WDR64: variants seen among roughly 807,000 people sequenced by gnomAD.
WDR64 encodes WD repeat domain 64, also known as WD repeat-containing protein 64.
A neutral mutation model predicts 139.3 loss-of-function variants in WDR64; 112 were observed. That is an observed-to-expected ratio of 0.80 (90% CI 0.69 to 0.94). The LOEUF (loss-of-function observed/expected upper bound fraction) is 0.94. Ranked by LOEUF, WDR64 falls within the 40% of genes least tolerant of loss-of-function variation. The pLI, the probability that WDR64 is intolerant of heterozygous loss-of-function variation, is 0.00. For missense variants in WDR64, 1,206 were observed against 1,293.1 expected, an observed-to-expected ratio of 0.93 and a Z score of 1.03; for synonymous variants, 444 against 437.7, an observed-to-expected ratio of 1.01 and a Z score of -0.18.
At chr1:241,787,018 A>G (rs1659059961) in intron 23 of WDR64, among the ~76,000 whole-genome samples, 1 of 152,104 alleles carries the variant, frequency 6.6e-6, no homozygotes, top group Admixed American at 6.5e-5. Flanking sequence ...ATTCAAACTA[A>G]TATTTCCCAA....
chr1:241,756,559 C>T (rs1670200429), intron 14 of WDR64, among the ~76,000 whole-genome samples: 1 of 152,064 alleles, frequency 6.6e-6, no homozygotes, highest in South Asian at 2.1e-4. Context: ...TAAAGGGTCC[C>T]ATTTCATATT....
intron 26 of WDR64, 34 bp from the exon 27 acceptor site, chr1:241,796,223 G>A (rs1659359791): frequency 2.0e-6 from 3 of 1,502,904 alleles, no homozygotes; most frequent in Non-Finnish European, 2.8e-6. Context: ...TAATCACTTT[G>A]AGTGTGTCTC....
At chr1:241,729,810 C>G (rs1669008831) in intron 10 of WDR64, among the ~76,000 whole-genome samples, 1 of 152,070 alleles carries the variant, frequency 6.6e-6, no homozygotes, top group African/African-American at 2.4e-5. Context: ...CTTGTGCTTT[C>G]TGTTTGTATG....
chr1:241,780,196 G>A (rs541839333), intron 22 of WDR64, 134 bp downstream of exon 22: 1 of 744,794 alleles, frequency 1.3e-6, no homozygotes, highest in Non-Finnish European at 2.1e-6. Flanking sequence ...TGAAATTTGA[G>A]CTACATGACA....
rs750082440 is a variant in WDR64, at chr1:241,795,221, C to G, written c.3012C>G (p.Pro1004=). The G allele has an allele frequency of 6.2e-7, 1 of 1,613,872 alleles. No individual in the cohort carries two copies. Among genetic ancestry groups the G allele is most frequent in the East Asian group, 2.2e-5 (1 of 44,840 alleles). Residue 1004 remains proline (P), a synonymous_variant, in exon 26 of 28, where the codon CCC becomes CCG. Transcript: ENST00000437684. ...SLSSPKIRRY[P]LEGFVTENRE... ...TTGTTTTGCAGATTCGAAGATATCCCTTGGAAGGTTTCGTGACTGAAAACA... is the reference window on the plus strand; with the variant it reads ...TTGTTTTGCAGATTCGAAGATATCCGTTGGAAGGTTTCGTGACTGAAAACA...
intron 8 of WDR64, among the ~76,000 whole-genome samples, chr1:241,688,953 TG>T (rs1014797817): frequency 1.3e-5 from 2 of 152,146 alleles, no homozygotes; most frequent in African/African-American, 4.8e-5. Context: ...CAGAACATGT[TG>T]TTCTTTCCAA....
In WDR64 at chr1:241,787,919, A is replaced by T. The variant is rs1034353346; in HGVS notation, c.2776A>T (p.Thr926Ser). The T allele has an allele frequency of 1.2e-6, 2 of 1,613,190 alleles. No homozygotes were observed. Among genetic ancestry groups the T allele is most frequent in the African/African-American group, 2.7e-5 (2 of 74,986 alleles). Residue 926 changes from threonine to serine, a missense_variant, in exon 24 of 28, where the codon ACA becomes TCA. Transcript: ENST00000437684. ...GCGAAGGCTCTTTGAATTATCACAG[A>T]CAAGAGATTTCATTTTGCCTTGTGA... ...GQRRLFELSQ[T>S]RDFILPCDVT...
intron 4 of WDR64, among the ~76,000 whole-genome samples, chr1:241,675,055 T>TCTCCCTTCCTCCTTCCTTC: frequency 4.2e-5 from 1 of 23,678 alleles, no homozygotes; most frequent in Non-Finnish European, 9.0e-5. Flanking sequence ...TCCTTCCTTT[T>TCTCCCTTCCTCCTTCCTTC]CTCCCTTCCT....
intron 8 of WDR64, among the ~76,000 whole-genome samples, chr1:241,706,157 C>T (rs1442542853): frequency 6.6e-6 from 1 of 152,186 alleles, no homozygotes; most frequent in African/African-American, 2.4e-5. Context: ...CCACGGGCCC[C>T]TAAAAGTACT....
chr1:241,724,634 T>G (rs1025020551), intron 10 of WDR64, among the ~76,000 whole-genome samples: 4 of 152,142 alleles, frequency 2.6e-5, no homozygotes, highest in Admixed American at 1.3e-4. Context: ...GATTTTAAAT[T>G]TAAAATACAA....
chr1:241,711,829 A>G lies in WDR64; in HGVS notation c.1002A>G (p.Arg334=), dbSNP rs1668180395. ...CTGTCAGAGAGTTTTCCATGCCAAG[A>G]GGAGCCAACACTTTTTGCTACTGTG... The part of the protein sequence containing the change: ...NLPVREFSMP[R]GANTFCYCVK... Residue 334 remains arginine, a synonymous_variant, in exon 9 of 28, where the codon AGA becomes AGG. Coordinates refer to ENST00000437684, the MANE Select transcript of WDR64 (RefSeq NM_001367482.1). The G allele has an allele frequency of 3.7e-6, 6 of 1,614,184 alleles. No homozygotes were observed. Among genetic ancestry groups the G allele is most frequent in the South Asian group, 2.2e-5 (2 of 91,086 alleles).
chr1:241,757,549 G>A lies in WDR64; in HGVS notation c.1947+90G>A, dbSNP rs747141079. The A allele has an allele frequency of 1.4e-4, 170 of 1,225,370 alleles. 2 individuals carry two copies. The highest frequency in any genetic ancestry group is 1.4e-3 in the Middle Eastern group (5 of 3,636). 75.9% of individuals were successfully genotyped at this position (1,225,370 alleles called of 1,614,324 possible). A position where few individuals can be genotyped will look rare whatever the true frequency, so the allele number is the denominator to read the frequency against. ...ATAAAGGTACAGAAAATAATACAAA[G>A]AGCTTCTATGTGTTATCACTCAGCT... On this transcript the variant is annotated intron_variant, in intron 15 of 27. Transcript: ENST00000437684.
intron 1 of WDR64, among the ~76,000 whole-genome samples, chr1:241,652,861 G>T (rs6429283): frequency 0.97 from 147,678 of 152,280 alleles, 71,779 homozygotes; most frequent in East Asian, 1. Flanking sequence ...TCTCTGAACC[G>T]AAGTTGCTTC....
At chr1:241,712,490 A>C (rs955954282) in intron 9 of WDR64, among the ~76,000 whole-genome samples, 1 of 152,044 alleles carries the variant, frequency 6.6e-6, no homozygotes, top group South Asian at 2.1e-4. Flanking sequence ...TGAGACTCAG[A>C]CTCCTTATTT....
chr1:241,781,851 CAT>C (rs1367509540), intron 22 of WDR64, among the ~76,000 whole-genome samples: 1 of 152,216 alleles, frequency 6.6e-6, no homozygotes, highest in Non-Finnish European at 1.5e-5. Context: ...GTTTCAGACA[CAT>C]GTGCAAGTAT....
rs148919600 is a variant in WDR64, at chr1:241,710,900, C to T, written c.975-902C>T. ...TACAAGGGTCACTCTGTCTGCAGCA[C>T]GACAATGGGATTTGGGTTGGGAATG... On this transcript the variant is annotated intron_variant, in intron 8 of 27. Transcript: ENST00000437684. Among the ~76,000 whole-genome samples, 11 of 152,166 alleles carry T rather than the reference C, an allele frequency of 7.2e-5. No individual in the cohort carries two copies. The East Asian group carries it at 1.5e-3, about 21-fold the overall frequency.
At chr1:241,779,969 C>T (rs41308208) in intron 21 of WDR64, 35 bp from the exon 22 acceptor site, 1 of 1,508,564 alleles carries the variant, frequency 6.6e-7, no homozygotes, top group Admixed American at 2.0e-5. Context: ...AACATGATAT[C>T]TAATTAAAGA....
chr1:241,775,099 A>C lies in WDR64; in HGVS notation c.2431-6A>C. On this transcript the variant is annotated splice_polypyrimidine_tract_variant and splice_region_variant and intron_variant, in intron 20 of 27. Coordinates refer to ENST00000437684, the MANE Select transcript of WDR64 (RefSeq NM_001367482.1). The stretch of plus-strand genomic sequence containing the variant: ...AAAAGTTTTATTTGCATTATACTTT[A>C]TTTAGGGAAGACTACTGAAAGATAT... 1 of 1,548,470 alleles carries C rather than the reference A, an allele frequency of 6.5e-7. No individual in the cohort carries two copies. The highest frequency in any genetic ancestry group is 8.7e-7 in the Non-Finnish European group (1 of 1,145,418).
In WDR64 at chr1:241,683,581, T is replaced by TG. The variant is rs1253415829; in HGVS notation, c.724dup (p.Asp242GlyfsTer2). On this transcript the variant is annotated frameshift_variant, in exon 7 of 28. Coordinates refer to ENST00000437684, the MANE Select transcript of WDR64 (RefSeq NM_001367482.1). LOFTEE classifies it high-confidence loss of function. Reference sequence around the variant, plus strand: ...CATCTCTGCCGAGATGACATCCTCTTGGGGGATGATGGGGGTTTTGTGAAC... The same window carrying TG: ...CATCTCTGCCGAGATGACATCCTCTTGGGGGGATGATGGGGGTTTTGTGAAC... The TG allele has an allele frequency of 3.9e-6, 6 of 1,551,526 alleles. No individual in the cohort carries two copies. The highest frequency in any genetic ancestry group is 3.9e-5 in the Admixed American group (2 of 50,940).
Sources: allele counts gnomAD v4.1 joint callset (sites outside exome capture counted in the v4.1 genomes callset), GRCh38; gene constraint gnomAD v4.1.1; transcripts MANE v1.5; gene names NCBI Gene and HGNC (gene_info 2026-07-23, HGNC 2026-07-21).